The following TBX15 variants were observed in gnomAD, a reference collection of about 807,000 sequenced individuals.
TBX15 encodes T-box transcription factor 15.
Under a neutral mutation model 53.9 loss-of-function variants are expected in TBX15, and 18 were observed. The observed-to-expected ratio is 0.33, with a 90% CI of 0.23 to 0.49. The LOEUF (loss-of-function observed/expected upper bound fraction) is 0.49, where lower values mean the gene tolerates loss of function less well. TBX15 is among the 20% of genes least tolerant of loss of function. The probability of loss-of-function intolerance (pLI) is 0.98; values close to 1 mark genes in which losing one functional copy is unlikely to be tolerated. For missense variants in TBX15, 692 were observed against 749.5 expected (o/e 0.92, Z 0.90); for synonymous variants, 295 against 278.0 (o/e 1.06, Z -0.61).
chr1:118,934,049 C>T (rs895019273), intron 1 of TBX15, among the ~76,000 whole-genome samples: 1 of 152,048 alleles, frequency 6.6e-6, no homozygotes, highest in Non-Finnish European at 1.5e-5. Context: ...ATTGGGACTA[C>T]GGCTAGAGAA....
At chr1:118,916,375 G>C (rs542836432) in intron 5 of TBX15, among the ~76,000 whole-genome samples, 1 of 151,994 alleles carries the variant, frequency 6.6e-6, no homozygotes, top group Non-Finnish European at 1.5e-5. Flanking sequence ...CACAAGAGAA[G>C]GAAAAAGGAC....
Position 118,885,461 on chromosome 1 carries a change from C to A in TBX15, c.1080G>T (p.Ser360=). 1 of 1,607,918 alleles carries A rather than the reference C, an allele frequency of 6.2e-7. No individual in the cohort carries two copies. Among genetic ancestry groups the A allele is most frequent in the Non-Finnish European group, 8.5e-7 (1 of 1,176,730 alleles). ...ATGGAGATAAAAGATGAGAAGAAGC[C>A]GAAGGGGATGGTGTCCCAGTGCTGG... The part of the protein sequence containing the change: ...TTSSTGTPSP[S]ASSHLLSPSC... The change falls in exon 8 of 8, where the codon TCG becomes TCT. Residue 360 remains serine, a synonymous_variant. Transcript: ENST00000369429.
chr1:118,945,843 A>T (rs1461941953), intron 1 of TBX15, among the ~76,000 whole-genome samples: 2 of 152,230 alleles, frequency 1.3e-5, no homozygotes, highest in Non-Finnish European at 2.9e-5. Context: ...CCAGTCAAAA[A>T]TCCTTAAGTA....
At chr1:118,910,809 C>T (rs573045150) in intron 6 of TBX15, among the ~76,000 whole-genome samples, 14 of 152,140 alleles carry the variant, frequency 9.2e-5, no homozygotes, top group Admixed American at 1.3e-4. Flanking sequence ...GTCATTATAT[C>T]ATAGTTTCAC....
intron 2 of TBX15, among the ~76,000 whole-genome samples, chr1:118,928,974 C>CT (rs1379481543): frequency 2.6e-5 from 4 of 152,034 alleles, no homozygotes; most frequent in African/African-American, 4.8e-5. Context: ...CTTCGCAAGC[C>CT]TTTTTTTTCT....
chr1:118,932,441 T>C (rs761335218), intron 1 of TBX15, among the ~76,000 whole-genome samples: 1 of 152,102 alleles, frequency 6.6e-6, no homozygotes, highest in Admixed American at 6.6e-5. Flanking sequence ...CCTAAGAGTC[T>C]AATCAGGCCA....
intron 1 of TBX15, among the ~76,000 whole-genome samples, chr1:118,932,687 T>A (rs1655837920): frequency 1.3e-5 from 2 of 151,970 alleles, no homozygotes; most frequent in East Asian, 3.9e-4. Context: ...TCTGTACTCA[T>A]GAAGACAAGT....
chr1:118,893,627 GAAAA>G (rs1437216234), intron 7 of TBX15, among the ~76,000 whole-genome samples: 2 of 146,656 alleles, frequency 1.4e-5, no homozygotes, highest in Non-Finnish European at 3.0e-5. Flanking sequence ...GAGAGAGAAA[GAAAA>G]AGAAAGAAAG....
chr1:118,933,173 T>C (rs962587907), intron 1 of TBX15, among the ~76,000 whole-genome samples: 5 of 152,202 alleles, frequency 3.3e-5, no homozygotes, highest in African/African-American at 4.8e-5. Flanking sequence ...TCTTTCCTTT[T>C]GTCACTGACT....
chr1:118,947,266 C>T (rs935561056), intron 1 of TBX15, among the ~76,000 whole-genome samples: 2 of 152,212 alleles, frequency 1.3e-5, no homozygotes, highest in Non-Finnish European at 2.9e-5. Context: ...TGTCTGCTAC[C>T]AAGAACCTCC....
chr1:118,905,659 C>G (rs1022374578), intron 6 of TBX15, among the ~76,000 whole-genome samples: 7 of 152,196 alleles, frequency 4.6e-5, no homozygotes, highest in African/African-American at 1.7e-4. Flanking sequence ...ATAAGCCACC[C>G]ATGCCAGGGA....
chr1:118,983,194 A>G (rs1389472037), intron 1 of TBX15, among the ~76,000 whole-genome samples: 5 of 152,114 alleles, frequency 3.3e-5, no homozygotes, highest in Admixed American at 3.3e-4. Context: ...GGACCTTTGG[A>G]GATGCAAACC....
chr1:118,891,961 C>T (rs1654161408), intron 7 of TBX15, among the ~76,000 whole-genome samples: 1 of 151,972 alleles, frequency 6.6e-6, no homozygotes, highest in Admixed American at 6.6e-5. Context: ...ATAGGTAATT[C>T]CACTATGAAT....
At chr1:118,925,693 C>A (rs1779438) in intron 3 of TBX15, among the ~76,000 whole-genome samples, 92,824 of 151,898 alleles carry the variant, frequency 0.61, 28,515 homozygotes, top group East Asian at 0.79. Context: ...CCCTAAAACA[C>A]GCTGGAAGCA....
intron 5 of TBX15, among the ~76,000 whole-genome samples, chr1:118,919,702 G>GGTCA (rs931221924): frequency 6.6e-6 from 1 of 152,100 alleles, no homozygotes; most frequent in Non-Finnish European, 1.5e-5. Context: ...ATGCAATATA[G>GGTCA]GTCAGACGCA....
At chr1:118,898,902 C>A (rs576684254) in intron 7 of TBX15, 126 bp downstream of exon 7, 8 of 964,056 alleles carry the variant, frequency 8.3e-6, no homozygotes, top group Non-Finnish European at 1.3e-5. Flanking sequence ...CTCCTGAGTT[C>A]TCTTCATTCC....
chr1:118,933,890 T>A (rs1383209184), intron 1 of TBX15, among the ~76,000 whole-genome samples: 1 of 152,092 alleles, frequency 6.6e-6, no homozygotes, highest in Non-Finnish European at 1.5e-5. Flanking sequence ...TTACAAAAAA[T>A]TGGAAAGAGA....
At chr1:118,931,366 G>A (rs1655774006) in intron 2 of TBX15, among the ~76,000 whole-genome samples, 1 of 152,192 alleles carries the variant, frequency 6.6e-6, no homozygotes, top group Non-Finnish European at 1.5e-5. Flanking sequence ...TCCAATATTA[G>A]CTGAAATACA....
intron 1 of TBX15, among the ~76,000 whole-genome samples, chr1:118,978,618 G>C (rs1022137073): frequency 6.6e-6 from 1 of 152,098 alleles, no homozygotes; most frequent in Non-Finnish European, 1.5e-5. Flanking sequence ...AGCTCCTTCA[G>C]CCCTCTTTCT....
Sources: allele counts gnomAD v4.1 joint callset (sites outside exome capture counted in the v4.1 genomes callset), GRCh38; gene constraint gnomAD v4.1.1; transcripts MANE v1.5; gene names NCBI Gene and HGNC (gene_info 2026-07-23, HGNC 2026-07-21).